CDH18: variants seen among roughly 807,000 people sequenced by gnomAD.
CDH18 encodes the protein cadherin-18.
Under a neutral mutation model 67.9 loss-of-function variants are expected in CDH18, and 31 were observed. The ratio of observed to expected loss-of-function variants is 0.46; its 90% CI spans 0.34 to 0.62. The LOEUF (loss-of-function observed/expected upper bound fraction) is 0.62, where lower values mean the gene tolerates loss of function less well. Among genes scored for constraint, CDH18 ranks in the 20% least tolerant of loss-of-function variants. The pLI is 0.01. For synonymous variants in CDH18, 362 were observed against 347.2 expected, an observed-to-expected ratio of 1.04 and a Z score of -0.48; for missense variants, 890 against 975.5, an observed-to-expected ratio of 0.91 and a Z score of 1.17.
At chr5:19,752,813 G>C (rs1011208733) in intron 3 of CDH18, among the ~76,000 whole-genome samples, 1 of 152,160 alleles carries the variant, frequency 6.6e-6, no homozygotes, top group Non-Finnish European at 1.5e-5. Flanking sequence ...ACAGGTGCTG[G>C]TATTCATGGC....
At chr5:19,603,435 A>T (rs1747495310) in intron 6 of CDH18, among the ~76,000 whole-genome samples, 1 of 152,278 alleles carries the variant, frequency 6.6e-6, no homozygotes, top group Non-Finnish European at 1.5e-5. Context: ...GTATTTCAAT[A>T]GTACCATTGG....
chr5:19,615,696 C>T (rs1321934313), intron 5 of CDH18, among the ~76,000 whole-genome samples: 3 of 151,962 alleles, frequency 2.0e-5, no homozygotes, highest in Non-Finnish European at 4.4e-5. Context: ...CTTCTCTATC[C>T]CTCCCCTCCC....
Position 20,116,715 on chromosome 5 carries a change from C to T in CDH18, c.-517-124701G>A, listed in dbSNP as rs181818739. ...GAAAGTAGCAAAAAATAAAATATAC[C>T]ATAATCACAACATGACCAACAAAAG... is the stretch of plus-strand genomic sequence containing the variant. On this transcript the variant is annotated intron_variant, in intron 2 of 14. Transcript: ENST00000507958. Among the ~76,000 whole-genome samples, 40 of 151,880 alleles carry T rather than the reference C, an allele frequency of 2.6e-4. 1 individual carries two copies. The East Asian group carries it at 7.6e-3, about 29-fold the overall frequency.
intron 5 of CDH18, among the ~76,000 whole-genome samples, chr5:19,694,384 T>C (rs1762277554): frequency 6.6e-6 from 1 of 152,132 alleles, no homozygotes; most frequent in African/African-American, 2.4e-5. Flanking sequence ...TGTTAACTAA[T>C]AGGATTGCCT....
intron 6 of CDH18, among the ~76,000 whole-genome samples, chr5:19,605,625 A>G (rs1192224586): frequency 6.6e-6 from 1 of 152,068 alleles, no homozygotes; most frequent in East Asian, 1.9e-4. Context: ...AACAACTCTA[A>G]AAGATGCATA....
chr5:20,291,064 A>G (rs1356493725), intron 1 of CDH18, among the ~76,000 whole-genome samples: 1 of 152,144 alleles, frequency 6.6e-6, no homozygotes, highest in Non-Finnish European at 1.5e-5. Flanking sequence ...ATGAAGCAGA[A>G]AATATGGCTT....
chr5:20,053,263 ACATAT>A (rs1741597559), intron 2 of CDH18, among the ~76,000 whole-genome samples: 1 of 151,168 alleles, frequency 6.6e-6, no homozygotes, highest in Non-Finnish European at 1.5e-5. Context: ...GTCCATATAT[ACATAT>A]AGTATAGATA....
intron 11 of CDH18, among the ~76,000 whole-genome samples, chr5:19,483,896 T>C (rs1283911177): frequency 6.6e-6 from 1 of 152,232 alleles, no homozygotes; most frequent in African/African-American, 2.4e-5. Context: ...TACTTTGAAG[T>C]GAGCCAATGA....
At chr5:19,960,494 C>T (rs1465312252) in intron 2 of CDH18, among the ~76,000 whole-genome samples, 9 of 150,878 alleles carry the variant, frequency 6.0e-5, no homozygotes, top group African/African-American at 2.2e-4. Context: ...ATGATAACAA[C>T]ACTTTCTCCT....
Position 20,056,408 on chromosome 5 carries a change from T to G in CDH18, c.-517-64394A>C, listed in dbSNP as rs138081315. On this transcript the variant is annotated intron_variant, in intron 2 of 14. Transcript: ENST00000507958. ...GTTTTTTTTGTTTGTTTGTTTGTTT[T>G]TTAATCTTTTTTGTCCTCTATATGT... Among the ~76,000 whole-genome samples the G allele has an allele frequency of 4.0e-5, 6 of 149,834 alleles. 1 individual carries two copies. Among genetic ancestry groups the G allele is most frequent in the South Asian group, 4.2e-4 (2 of 4,788 alleles).
At chr5:19,958,837 T>A (rs1796524747) in intron 2 of CDH18, among the ~76,000 whole-genome samples, 1 of 152,084 alleles carries the variant, frequency 6.6e-6, no homozygotes, top group Non-Finnish European at 1.5e-5. Flanking sequence ...TTATGGAGAA[T>A]GTTTGGACTT....
intron 10 of CDH18, 44 bp from the exon 11 acceptor site, chr5:19,503,153 G>A (rs1251702428): frequency 2.0e-6 from 2 of 988,704 alleles, no homozygotes; most frequent in East Asian, 2.4e-5. Flanking sequence ...AATTTTGCTT[G>A]TTCTCTTGAT....
At chr5:20,023,831 C>T (rs1738655349) in intron 2 of CDH18, among the ~76,000 whole-genome samples, 1 of 152,276 alleles carries the variant, frequency 6.6e-6, no homozygotes, top group African/African-American at 2.4e-5. Flanking sequence ...CCCGCAGTCA[C>T]TCACTTGCTC....
chr5:19,554,411 ATG>A (rs1310197512), intron 8 of CDH18, among the ~76,000 whole-genome samples: 1 of 152,126 alleles, frequency 6.6e-6, no homozygotes, highest in African/African-American at 2.4e-5. Flanking sequence ...TTAGCCAAGC[ATG>A]GTGGCACATG....
chr5:19,539,772 C>G (rs1338545886), intron 9 of CDH18, among the ~76,000 whole-genome samples: 2 of 152,120 alleles, frequency 1.3e-5, no homozygotes, highest in Non-Finnish European at 1.5e-5. Flanking sequence ...ACCAGAACAG[C>G]CTGGAAAAGA....
At position 20,527,441 on chromosome 5, in the gene CDH18, C is replaced by A. The variant is rs988197054; in HGVS notation, c.-580+48021G>T. On this transcript the variant is annotated intron_variant, in intron 1 of 14. Coordinates refer to the CDH18 transcript ENST00000507958. Reference sequence around the variant, plus strand: ...AATAAGATATTCCACAAGATCAACCCCAAGACATATAATCATCAGATTCTC... The same window carrying A: ...AATAAGATATTCCACAAGATCAACCACAAGACATATAATCATCAGATTCTC... 4.6e-5 allele frequency among the ~76,000 whole-genome samples: 7 copies of A among 151,830 alleles called. No homozygotes were observed. In the East Asian group the frequency reaches 9.7e-4, roughly 21 times the overall value.
At chr5:19,919,429 T>C (rs950154560) in intron 2 of CDH18, among the ~76,000 whole-genome samples, 2 of 152,148 alleles carry the variant, frequency 1.3e-5, no homozygotes, top group Non-Finnish European at 2.9e-5. Flanking sequence ...TTGTGACAGG[T>C]ATCTGAAGTT....
intron 2 of CDH18, among the ~76,000 whole-genome samples, chr5:20,094,101 C>T (rs1745675916): frequency 6.6e-6 from 1 of 152,094 alleles, no homozygotes; most frequent in African/African-American, 2.4e-5. Flanking sequence ...ACTGAGAAAG[C>T]AGTGGCCTAG....
At chr5:19,990,144 G>A (rs1398765970), upstream of CDH18, among the ~76,000 whole-genome samples, 2 of 152,096 alleles carry the variant, frequency 1.3e-5, no homozygotes, top group Non-Finnish European at 2.9e-5. Context: ...ATGAAGCCCT[G>A]AGTGCCCAAA....
Sources: allele counts gnomAD v4.1 joint callset (sites outside exome capture counted in the v4.1 genomes callset), GRCh38; gene constraint gnomAD v4.1.1; transcripts MANE v1.5; gene names NCBI Gene and HGNC (gene_info 2026-07-23, HGNC 2026-07-21).